IGFN1: variants seen among roughly 807,000 people sequenced by gnomAD.
IGFN1 encodes immunoglobulin like and fibronectin type III domain containing 1.
In IGFN1, 253 loss-of-function variants were observed where a neutral mutation model predicts 289.5. The ratio of observed to expected loss-of-function variants is 0.87; its 90% CI spans 0.79 to 0.97. IGFN1 has a LOEUF of 0.97. Among genes scored for constraint, IGFN1 ranks in the 50% least tolerant of loss-of-function variants. IGFN1 has a pLI of 0.00. For missense variants in IGFN1, 4,470 were observed against 4,686.1 expected, an observed-to-expected ratio of 0.95 and a Z score of 1.35; for synonymous variants, 1,706 against 1,788.5, an observed-to-expected ratio of 0.95 and a Z score of 1.16.
intron 22 of IGFN1, 43 bp from the exon 23 acceptor site, chr1:201,226,839 C>A: frequency 6.8e-7 from 1 of 1,478,958 alleles, no homozygotes; most frequent in South Asian, 1.3e-5. Flanking sequence ...CCAGGCCTTC[C>A]TCGCTTTCTC....
Position 201,226,137 on chromosome 1 carries a change from G to C in IGFN1, c.10786+14G>C. On this transcript the variant is annotated intron_variant, in intron 22 of 23. Coordinates refer to ENST00000335211, the MANE Select transcript of IGFN1 (RefSeq NM_001164586.2). ...CCCGGCAGCGCGGTAAGCAGCCCCT[G>C]AGAGGGAGGAGCAGGCAGGGTGGGG... The C allele has an allele frequency of 6.4e-7, 1 of 1,565,492 alleles. No homozygotes were observed.
Position 201,208,081 on chromosome 1 carries a change from C to A in IGFN1, c.3188C>A (p.Ala1063Glu), listed in dbSNP as rs765088195. 1.3e-6 allele frequency: 2 copies of A among 1,536,978 alleles called. No individual in the cohort carries two copies. The highest frequency in any genetic ancestry group is 8.7e-7 in the Non-Finnish European group (1 of 1,146,856). ...DTRNWASACQ[A>E]GMDPRGGHHS... ...AGGAATTGGGCCTCTGCATGCCAGG[C>A]AGGCATGGACCCTAGGGGAGGGCAC... The change falls in exon 12 of 24, where the codon GCA (alanine) becomes GAA (glutamate). Residue 1063 changes from alanine (A) to glutamate (E), a missense_variant. By Grantham distance (107) the Ala-to-Glu change is moderately radical (BLOSUM62 -1). Coordinates refer to ENST00000335211, the MANE Select transcript of IGFN1 (RefSeq NM_001164586.2).
Position 201,215,714 on chromosome 1 carries a change from C to T in IGFN1, c.9171C>T (p.Asp3057=), listed in dbSNP as rs781650601. 1 of 1,613,104 alleles carries T rather than the reference C, an allele frequency of 6.2e-7. No homozygotes were observed. Among genetic ancestry groups the T allele is most frequent in the Non-Finnish European group, 8.5e-7 (1 of 1,179,584 alleles). ...VGSSDREAQV[D]LGDGYTRLCL... is the part of the protein sequence containing the mutation. The stretch of plus-strand genomic sequence containing the variant: ...GCAGTGACAGGGAGGCCCAGGTGGA[C>T]CTGGGGGATGGCTACACGCGGCTGT... Residue 3057 remains aspartate (D), a synonymous_variant, in exon 15 of 24, where the codon GAC becomes GAT. Coordinates refer to ENST00000335211, the MANE Select transcript of IGFN1 (RefSeq NM_001164586.2).
rs1257633724 is a variant in IGFN1, at chr1:201,205,161, C to G, written c.996C>G (p.Leu332=). 6.4e-7 allele frequency: 1 copy of G among 1,551,232 alleles called. No individual in the cohort carries two copies. Among genetic ancestry groups the G allele is most frequent in the Non-Finnish European group, 8.7e-7 (1 of 1,146,992 alleles). Residue 332 remains leucine (L), a synonymous_variant, in exon 11 of 24, where the codon CTC becomes CTG. Coordinates refer to ENST00000335211, the MANE Select transcript of IGFN1 (RefSeq NM_001164586.2). ...GTGACGCAGTCTTTGAATGTACCCTCTCCAGCCCCTGCCCTAGTGCAGCCT... is the reference window on the plus strand; with the variant it reads ...GTGACGCAGTCTTTGAATGTACCCTGTCCAGCCCCTGCCCTAGTGCAGCCT... ...EQGDAVFECT[L]SSPCPSAAWH...
Position 201,192,223 on chromosome 1 carries a change from C to T in IGFN1, c.-47-1024C>T, listed in dbSNP as rs137877936. ...CAGAAGTGCCAGTGGGTGGCCGTTG[C>T]GAAATGGAATGATCTCCATGGGAGA... On this transcript the variant is annotated intron_variant, in intron 1 of 23. Transcript: ENST00000335211. 4.0e-3 allele frequency among the ~76,000 whole-genome samples: 611 copies of T among 152,288 alleles called. 3 individuals are homozygous for T. The highest frequency in any genetic ancestry group is 5.4e-3 in the Non-Finnish European group (365 of 68,024).
In IGFN1 at chr1:201,224,755, A is replaced by T; in HGVS notation, c.10367A>T (p.Asp3456Val). Residue 3456 changes from aspartate (D) to valine (V), a missense_variant, in exon 21 of 24, where the codon GAT becomes GTT. Asp to Val is a radical substitution (Grantham distance 152). Transcript: ENST00000335211. ...AAAAGAAGTGTGACTGTCACTAAGG[A>T]TGGCCTCACCCAGCTTCTGATCCCT... ...LPKRSVTVTKDGLTQLLIPVA... is the reference protein window; with the variant it reads ...LPKRSVTVTKVGLTQLLIPVA... The T allele has an allele frequency of 6.2e-7, 1 of 1,614,134 alleles. No individual in the cohort carries two copies. The highest frequency in any genetic ancestry group is 2.2e-5 in the East Asian group (1 of 44,878).
chr1:201,228,683 A>G lies in IGFN1; in HGVS notation c.*284A>G, dbSNP rs1423254733. 8.2e-6 allele frequency: 4 copies of G among 487,168 alleles called. No individual in the cohort carries two copies. The highest frequency in any genetic ancestry group is 7.4e-5 in the South Asian group (3 of 40,656). 30.2% of individuals were successfully genotyped at this position (487,168 alleles called of 1,614,324 possible). On this transcript the variant is annotated 3_prime_UTR_variant, in exon 24 of 24. Transcript: ENST00000335211. ...TATGGGTTTCTTTCTTCTTCGCTTC[A>G]GGAGATCCAGAGGGCACCTGCCTGC...
chr1:201,194,422 G>T, intron 3 of IGFN1, 149 bp downstream of exon 3: 2 of 843,960 alleles, frequency 2.4e-6, no homozygotes, highest in Non-Finnish European at 1.8e-6. Flanking sequence ...CCTTGAGGGG[G>T]TATGTGCTTA....
Position 201,221,622 on chromosome 1 carries a change from C to T in IGFN1, c.10077C>T (p.Thr3359=). ...GCCATGTGGGCACCGTGCCAGTCACCACCTACACGGCCAAGGGGCTTCGGC... is the reference window on the plus strand; with the variant it reads ...GCCATGTGGGCACCGTGCCAGTCACTACCTACACGGCCAAGGGGCTTCGGC... ...LPCHVGTVPV[T]TYTAKGLRPG... is the part of the protein sequence containing the mutation. The change falls in exon 19 of 24, where the codon ACC becomes ACT. Residue 3359 remains threonine, a synonymous_variant. Coordinates refer to ENST00000335211, the MANE Select transcript of IGFN1 (RefSeq NM_001164586.2). 1 of 1,614,236 alleles carries T rather than the reference C, an allele frequency of 6.2e-7. No individual in the cohort carries two copies. The highest frequency in any genetic ancestry group is 8.5e-7 in the Non-Finnish European group (1 of 1,180,038).
In IGFN1 at chr1:201,194,209, G is replaced by A; in HGVS notation, c.63G>A (p.Glu21=). Residue 21 remains glutamate (E), a synonymous_variant, in exon 3 of 24, where the codon GAG becomes GAA. Coordinates refer to ENST00000335211, the MANE Select transcript of IGFN1 (RefSeq NM_001164586.2). Reference sequence around the variant, plus strand: ...TGAGCATCTGGCAGCTGGTGGAGGAGATCCCTGAAGGCTGCAGCACGCCGG... The same window carrying A: ...TGAGCATCTGGCAGCTGGTGGAGGAAATCCCTGAAGGCTGCAGCACGCCGG... ...PGVSIWQLVE[E]IPEGCSTPDF... is the part of the protein sequence containing the mutation. The A allele has an allele frequency of 6.4e-7, 1 of 1,551,654 alleles. No homozygotes were observed. Among genetic ancestry groups the A allele is most frequent in the Non-Finnish European group, 8.7e-7 (1 of 1,146,968 alleles).
chr1:201,213,246 A>G lies in IGFN1; in HGVS notation c.8353A>G (p.Asn2785Asp). Residue 2785 changes from asparagine (N) to aspartate (D), a missense_variant, in exon 12 of 24, where the codon AAT becomes GAT. Physicochemically the swap from Asn to Asp is conservative, Grantham distance 23 (BLOSUM62 1). Transcript: ENST00000335211. ...LGEQGSLEAE[N>D]GEVQGPGALK... The stretch of plus-strand genomic sequence containing the variant: ...GGAGCAGGGGTCCCTGGAGGCTGAG[A>G]ATGGTGAGGTCCAGGGTCCTGGGGC... 1 of 1,551,878 alleles carries G rather than the reference A, an allele frequency of 6.4e-7. No homozygotes were observed. The highest frequency in any genetic ancestry group is 8.7e-7 in the Non-Finnish European group (1 of 1,147,080).
intron 11 of IGFN1, among the ~76,000 whole-genome samples, chr1:201,205,876 G>A (rs1667393327): frequency 1.3e-5 from 2 of 152,216 alleles, no homozygotes; most frequent in Non-Finnish European, 2.9e-5. Context: ...GGACTAGGGA[G>A]GTGGTGATGG....
chr1:201,228,501 C>T lies in IGFN1; in HGVS notation c.*102C>T. The T allele has an allele frequency of 7.7e-7, 1 of 1,299,454 alleles. No individual in the cohort carries two copies. 80.5% of individuals were successfully genotyped at this position (1,299,454 alleles called of 1,614,324 possible). ...CCAAGGATGGAGGCTGTGCCCAGAGCCCCAGGAAAATGGGAGTGAGAAGAT... is the reference window on the plus strand; with the variant it reads ...CCAAGGATGGAGGCTGTGCCCAGAGTCCCAGGAAAATGGGAGTGAGAAGAT... On this transcript the variant is annotated 3_prime_UTR_variant, in exon 24 of 24. Coordinates refer to ENST00000335211, the MANE Select transcript of IGFN1 (RefSeq NM_001164586.2).
intron 18 of IGFN1, 76 bp from the exon 19 acceptor site, chr1:201,221,368 G>C: frequency 8.8e-7 from 1 of 1,135,736 alleles, no homozygotes; most frequent in Non-Finnish European, 1.2e-6. Context: ...CTCCCACAAG[G>C]AAGGCTAATC....
At chr1:201,199,583 A>C (rs1189771946) in intron 6 of IGFN1, 26 bp from the exon 7 acceptor site, 1 of 1,548,486 alleles carries the variant, frequency 6.5e-7, no homozygotes, top group Non-Finnish European at 8.7e-7. Context: ...CCTGGGACTG[A>C]GGCCTCATTC....
rs1175009226 is a variant in IGFN1, at chr1:201,211,384, T to A, written c.6491T>A (p.Leu2164Ter). 2 of 1,490,254 alleles carry A rather than the reference T, an allele frequency of 1.3e-6. No homozygotes were observed. Among genetic ancestry groups the A allele is most frequent in the Non-Finnish European group, 1.8e-6 (2 of 1,118,310 alleles). 92.3% of individuals were successfully genotyped at this position (1,490,254 alleles called of 1,614,324 possible). ...AGTAAGGCAGGTTTTAGGGATGGTT[T>A]AGGGAGTTCTGGGGAAATGGGGTCA... ...SESKAGFRDG[L>*]GSSGEMGSMD... The change falls in exon 12 of 24, where the codon TTA becomes TAA. Residue 2164 changes from leucine (L) to a stop codon, truncating the protein, a stop_gained. Coordinates refer to ENST00000335211, the MANE Select transcript of IGFN1 (RefSeq NM_001164586.2). LOFTEE classifies it high-confidence loss of function.
rs376346941 is a variant in IGFN1 at position 201,215,684 on chromosome 1, G to C, written c.9141G>C (p.Val3047=). The C allele has an allele frequency of 1.2e-5, 19 of 1,613,888 alleles. No homozygotes were observed. In the South Asian group the frequency reaches 2.1e-4, roughly 18 times the overall value. The change falls in exon 15 of 24, where the codon GTG becomes GTC. Residue 3047 remains valine (V), a synonymous_variant. Coordinates refer to ENST00000335211, the MANE Select transcript of IGFN1 (RefSeq NM_001164586.2). ...GGAGGAAGGACGGGGCTGAGGTGGT[G>C]GGCAGCAGTGACAGGGAGGCCCAGG... The part of the protein sequence containing the change: ...AAWRKDGAEV[V]GSSDREAQVD...
rs764579854 is a variant in IGFN1 at position 201,216,682 on chromosome 1, G to A, written c.9524G>A (p.Arg3175Gln). The part of the protein sequence containing the change: ...HVEPGRKYTF[R>Q]VRAVTSEGAG... ...GAGCCAGGCAGGAAGTATACCTTCC[G>A]AGTGCGGGCTGTGACCTCAGAGGGG... Residue 3175 changes from arginine to glutamine, a missense_variant, in exon 16 of 24, where the codon CGA becomes CAA. Transcript: ENST00000335211. 9 of 1,613,916 alleles carry A rather than the reference G, an allele frequency of 5.6e-6. No homozygotes were observed. The highest frequency in any genetic ancestry group is 1.7e-5 in the Admixed American group (1 of 59,994).
At chr1:201,219,543 A>G (rs745534505) in intron 18 of IGFN1, among the ~76,000 whole-genome samples, 1 of 152,248 alleles carries the variant, frequency 6.6e-6, no homozygotes, top group African/African-American at 2.4e-5. Flanking sequence ...CAAAATACCT[A>G]TTAAAAGCGT....
Sources: gnomAD v4.1 joint callset for allele counts (sites outside exome capture counted in the v4.1 genomes callset) on GRCh38, gnomAD v4.1.1 for gene constraint, MANE v1.5 for transcripts, NCBI Gene and HGNC (gene_info 2026-07-23, HGNC 2026-07-21) for gene names.